Variants in PPM1L observed in about 807,000 individuals in gnomAD.
PPM1L encodes protein phosphatase, Mg2+/Mn2+ dependent 1L.
Under a neutral mutation model 31.4 loss-of-function variants are expected in PPM1L, and 13 were observed. The ratio of observed to expected loss-of-function variants is 0.41; its 90% CI spans 0.27 to 0.66. The LOEUF is 0.66. Ranked by LOEUF, PPM1L falls within the 30% of genes least tolerant of loss-of-function variation. The pLI, the probability that PPM1L is intolerant of heterozygous loss-of-function variation, is 0.29. For missense variants in PPM1L, 326 were observed against 453.7 expected (o/e 0.72, Z 2.56); for synonymous variants, 184 against 175.4 (o/e 1.05, Z -0.39).
chr3:160,962,802 A>G (rs1716009969), intron 2 of PPM1L, among the ~76,000 whole-genome samples: 3 of 151,988 alleles, frequency 2.0e-5, no homozygotes, highest in African/African-American at 4.8e-5. Context: ...AGAAGAGCAA[A>G]TAAACAAAAC....
At chr3:161,014,362 C>A (rs1718004090) in intron 2 of PPM1L, among the ~76,000 whole-genome samples, 1 of 151,830 alleles carries the variant, frequency 6.6e-6, no homozygotes, top group South Asian at 2.1e-4. Flanking sequence ...GTTTCAACTC[C>A]AAATTATAAC....
rs148583819 is a variant in PPM1L at position 160,862,623 on chromosome 3, A to T, written c.400-99113A>T. 3.0e-4 allele frequency among the ~76,000 whole-genome samples: 46 copies of T among 151,534 alleles called. No individual in the cohort carries two copies. The East Asian group carries it at 7.2e-3, about 24-fold the overall frequency. On this transcript the variant is annotated intron_variant, in intron 1 of 3. Coordinates refer to ENST00000498165, the MANE Select transcript of PPM1L (RefSeq NM_139245.4). Reference sequence around the variant, plus strand: ...GAGGGCAGTCTTACATAGGAGATGTACAGAAAGTTTTAGTCTCCATTCCTA... The same window carrying T: ...GAGGGCAGTCTTACATAGGAGATGTTCAGAAAGTTTTAGTCTCCATTCCTA...
intron 2 of PPM1L, among the ~76,000 whole-genome samples, chr3:161,028,731 G>C (rs9850546): frequency 0.14 from 21,936 of 152,026 alleles, 1,781 homozygotes; most frequent in East Asian, 0.28. Flanking sequence ...CAACAAAAAG[G>C]CTCTCCCGGG....
intron 2 of PPM1L, among the ~76,000 whole-genome samples, chr3:161,055,624 C>G (rs1719389598): frequency 6.6e-6 from 1 of 151,910 alleles, no homozygotes; most frequent in South Asian, 2.1e-4. Context: ...TGTGTTGATT[C>G]TCCTGTGCTG....
chr3:160,838,372 A>G (rs538843697), intron 1 of PPM1L, among the ~76,000 whole-genome samples: 1 of 152,304 alleles, frequency 6.6e-6, no homozygotes, highest in African/African-American at 2.4e-5. Context: ...AAGGGTGGCT[A>G]TAAGACAACA....
chr3:161,021,210 T>A (rs1449087543), intron 2 of PPM1L, among the ~76,000 whole-genome samples: 1 of 152,036 alleles, frequency 6.6e-6, no homozygotes, highest in African/African-American at 2.4e-5. Flanking sequence ...CTGTATCCCA[T>A]AAGTTTTGGG....
intron 1 of PPM1L, among the ~76,000 whole-genome samples, chr3:160,827,046 G>A (rs926624382): frequency 2.0e-5 from 3 of 152,148 alleles, no homozygotes; most frequent in African/African-American, 7.2e-5. Context: ...ACAAAATGTG[G>A]TTCCAATACT....
intron 1 of PPM1L, among the ~76,000 whole-genome samples, chr3:160,795,919 T>A (rs1341876837): frequency 2.6e-5 from 4 of 152,184 alleles, no homozygotes; most frequent in Admixed American, 6.5e-5. Context: ...CAGTGCTCAG[T>A]GCTACTGATT....
chr3:160,916,217 AAAAC>A (rs1200372300), intron 1 of PPM1L, among the ~76,000 whole-genome samples: 9 of 152,188 alleles, frequency 5.9e-5, no homozygotes, highest in African/African-American at 1.4e-4. Flanking sequence ...TTACAAGAAA[AAAAC>A]AAACAACCCC....
chr3:160,808,950 A>G (rs1218602634), intron 1 of PPM1L, among the ~76,000 whole-genome samples: 1 of 152,042 alleles, frequency 6.6e-6, no homozygotes, highest in Non-Finnish European at 1.5e-5. Flanking sequence ...CCCTACCCCC[A>G]TATGATCTGG....
rs147231660 is a variant in PPM1L, at chr3:161,048,999, C to T, written c.575-16404C>T. Among the ~76,000 whole-genome samples, 595 of 150,810 alleles carry T rather than the reference C, an allele frequency of 3.9e-3. 4 individuals carry two copies. The highest frequency in any genetic ancestry group is 0.014 in the African/African-American group (570 of 40,848). On this transcript the variant is annotated intron_variant, in intron 2 of 3. Coordinates refer to ENST00000498165, the MANE Select transcript of PPM1L (RefSeq NM_139245.4). ...AATGTAAATGACGAGTTAATGGGTG[C>T]AGCGCACCAACATGGCACATATATA...
chr3:160,944,803 ATATATAACAT>A (rs1715288674), intron 1 of PPM1L, among the ~76,000 whole-genome samples: 1 of 59,254 alleles, frequency 1.7e-5, no homozygotes, highest in African/African-American at 5.6e-5. Context: ...TATATATAAC[ATATATAACAT>A]ATATATGTTA....
intron 1 of PPM1L, among the ~76,000 whole-genome samples, chr3:160,895,145 G>C (rs114238085): frequency 1.7e-3 from 262 of 152,320 alleles, no homozygotes; most frequent in African/African-American, 5.8e-3. Context: ...GATGGGAAAA[G>C]CTCTTGACTT....
intron 1 of PPM1L, among the ~76,000 whole-genome samples, chr3:160,835,555 T>C (rs529203317): frequency 6.6e-6 from 1 of 152,240 alleles, no homozygotes; most frequent in South Asian, 2.1e-4. Context: ...TCTAAGATAC[T>C]CCACCATCAT....
intron 1 of PPM1L, among the ~76,000 whole-genome samples, chr3:160,843,083 C>CT (rs199786335): frequency 2.0e-5 from 3 of 151,704 alleles, no homozygotes; most frequent in Admixed American, 6.6e-5. Flanking sequence ...AAATCTAATT[C>CT]TTTTTTTTAA....
chr3:160,795,847 G>A (rs1384393027), intron 1 of PPM1L, among the ~76,000 whole-genome samples: 1 of 152,148 alleles, frequency 6.6e-6, no homozygotes, highest in African/African-American at 2.4e-5. Flanking sequence ...TCTTCGTGAA[G>A]CCTCACAGGG....
chr3:160,939,140 A>G (rs1249602450), intron 1 of PPM1L, among the ~76,000 whole-genome samples: 1 of 152,152 alleles, frequency 6.6e-6, no homozygotes, highest in East Asian at 1.9e-4. Flanking sequence ...AGCTATTGCT[A>G]TTTATCATAG....
At chr3:160,840,962 C>T (rs1355301200) in intron 1 of PPM1L, among the ~76,000 whole-genome samples, 1 of 152,196 alleles carries the variant, frequency 6.6e-6, no homozygotes, top group Non-Finnish European at 1.5e-5. Context: ...TCTGGAAACA[C>T]TTTCACAGAC....
At chr3:160,943,443 A>G (rs1330469924) in intron 1 of PPM1L, among the ~76,000 whole-genome samples, 1 of 152,234 alleles carries the variant, frequency 6.6e-6, no homozygotes, top group Non-Finnish European at 1.5e-5. Context: ...GATGGCACTC[A>G]TTAAATGAGG....
Sources: gnomAD v4.1 joint callset for allele counts (sites outside exome capture counted in the v4.1 genomes callset) on GRCh38, gnomAD v4.1.1 for gene constraint, MANE v1.5 for transcripts, NCBI Gene and HGNC (gene_info 2026-07-23, HGNC 2026-07-21) for gene names.